CADM2: variants seen among roughly 807,000 people sequenced by gnomAD.
CADM2 encodes immunoglobulin superfamily member 4D.
In CADM2, 12 loss-of-function variants were observed where a neutral mutation model predicts 49.8. The ratio of observed to expected loss-of-function variants is 0.24; its 90% CI spans 0.15 to 0.39. CADM2 has a LOEUF of 0.39. Among genes scored for constraint, CADM2 ranks in the 10% least tolerant of loss-of-function variants. CADM2 has a pLI of 1.00. For missense variants in CADM2, 378 were observed against 492.3 expected, an observed-to-expected ratio of 0.77 and a Z score of 2.20; for synonymous variants, 214 against 175.4, an observed-to-expected ratio of 1.22 and a Z score of -1.74.
intron 1 of CADM2, among the ~76,000 whole-genome samples, chr3:85,463,873 C>A (rs368771806): frequency 6.6e-6 from 1 of 152,070 alleles, no homozygotes; most frequent in African/African-American, 2.4e-5. Context: ...AATTGCAATA[C>A]GTTTTATGCC....
chr3:85,334,305 A>T (rs964991291), intron 1 of CADM2, among the ~76,000 whole-genome samples: 2 of 151,610 alleles, frequency 1.3e-5, no homozygotes, highest in African/African-American at 4.8e-5. Context: ...GCCTCACATC[A>T]TTAGTGCTAA....
intron 1 of CADM2, among the ~76,000 whole-genome samples, chr3:85,694,444 TTC>T (rs1180763512): frequency 4.6e-5 from 7 of 152,176 alleles, no homozygotes; most frequent in African/African-American, 1.7e-4. Context: ...GAACTTACCC[TTC>T]CAGTACCTGA....
intron 1 of CADM2, among the ~76,000 whole-genome samples, chr3:85,087,839 A>C (rs536890270): frequency 6.6e-6 from 1 of 152,256 alleles, no homozygotes; most frequent in East Asian, 1.9e-4. Flanking sequence ...TCCAACCACA[A>C]ATAACAGCTA....
intron 2 of CADM2, among the ~76,000 whole-genome samples, chr3:85,773,869 C>T (rs2070225553): frequency 6.6e-6 from 1 of 151,778 alleles, no homozygotes; most frequent in Non-Finnish European, 1.5e-5. Flanking sequence ...TACAGAAATA[C>T]TAGAAATTGA....
chr3:85,738,404 G>A (rs558766488), intron 2 of CADM2, among the ~76,000 whole-genome samples: 5 of 152,186 alleles, frequency 3.3e-5, no homozygotes, highest in Non-Finnish European at 7.4e-5. Context: ...TTTAGATTTA[G>A]GTAAAATATA....
Position 85,879,946 on chromosome 3 carries a change from G to T in CADM2, c.239-3345G>T, listed in dbSNP as rs147491181. On this transcript the variant is annotated intron_variant, in intron 3 of 9. Coordinates refer to ENST00000383699, the MANE Select transcript of CADM2 (RefSeq NM_001167675.2). ...ATCACTACAATCAAGAGACAAAACA[G>T]TTCCAGAACCACAGGGATTCCTTCT... Among the ~76,000 whole-genome samples, 552 of 152,260 alleles carry T rather than the reference G, an allele frequency of 3.6e-3. 7 individuals carry two copies. The highest frequency in any genetic ancestry group is 0.013 in the African/African-American group (520 of 41,556).
chr3:85,353,671 C>T (rs2031574076), intron 1 of CADM2, among the ~76,000 whole-genome samples: 2 of 151,710 alleles, frequency 1.3e-5, no homozygotes, highest in Non-Finnish European at 2.9e-5. Context: ...AATATTGCTA[C>T]ATCAATTGAT....
chr3:85,670,779 C>G (rs1403852987), intron 1 of CADM2, among the ~76,000 whole-genome samples: 2 of 152,138 alleles, frequency 1.3e-5, no homozygotes, highest in Non-Finnish European at 2.9e-5. Flanking sequence ...AGCAAGACAG[C>G]AGAGACATGA....
At chr3:85,963,248 G>T (rs1339926537) in intron 8 of CADM2, among the ~76,000 whole-genome samples, 1 of 151,902 alleles carries the variant, frequency 6.6e-6, no homozygotes, top group Non-Finnish European at 1.5e-5. Context: ...AGAACTAACA[G>T]TTGAATTTCT....
chr3:85,002,656 G>A (rs2033521206), intron 1 of CADM2, among the ~76,000 whole-genome samples: 1 of 152,126 alleles, frequency 6.6e-6, no homozygotes, highest in Admixed American at 6.6e-5. Flanking sequence ...ATATGGTAAA[G>A]TTGAAAGTGT....
At chr3:85,314,727 G>T (rs1447062820) in intron 1 of CADM2, among the ~76,000 whole-genome samples, 1 of 152,136 alleles carries the variant, frequency 6.6e-6, no homozygotes, top group East Asian at 1.9e-4. Flanking sequence ...CTCAAAGAGA[G>T]AAGTATAAAT....
At chr3:85,546,652 A>G (rs142635705) in intron 1 of CADM2, among the ~76,000 whole-genome samples, 18 of 152,292 alleles carry the variant, frequency 1.2e-4, no homozygotes, top group African/African-American at 4.3e-4. Context: ...TGCAGATATC[A>G]GCTGCAGCTG....
intron 1 of CADM2, among the ~76,000 whole-genome samples, chr3:85,698,727 AC>A (rs574308855): frequency 1.5e-3 from 224 of 152,268 alleles, no homozygotes; most frequent in African/African-American, 5.3e-3. Context: ...ACCATGCTCT[AC>A]CTTCAGCACA....
intron 1 of CADM2, among the ~76,000 whole-genome samples, chr3:84,982,392 C>G (rs2032232625): frequency 6.6e-6 from 1 of 151,844 alleles, no homozygotes; most frequent in African/African-American, 2.4e-5. Flanking sequence ...ATGATTTATG[C>G]AGATAGTCTA....
At chr3:85,722,250 G>A (rs2067529551) in intron 1 of CADM2, among the ~76,000 whole-genome samples, 1 of 152,052 alleles carries the variant, frequency 6.6e-6, no homozygotes, top group Admixed American at 6.5e-5. Context: ...TTAGCAGAGA[G>A]GAGACCCTGG....
chr3:85,205,173 G>A (rs920908921), intron 1 of CADM2, among the ~76,000 whole-genome samples: 4 of 150,170 alleles, frequency 2.7e-5, no homozygotes, highest in Admixed American at 1.3e-4. Flanking sequence ...AGGTGCCACC[G>A]TGCCTGGTTA....
At chr3:85,356,226 G>A (rs2031845935) in intron 1 of CADM2, among the ~76,000 whole-genome samples, 1 of 151,960 alleles carries the variant, frequency 6.6e-6, no homozygotes, top group Admixed American at 6.6e-5. Flanking sequence ...TAATACTAGA[G>A]TATTCAGGGA....
rs1485267752 is a variant in CADM2 at position 85,166,160 on chromosome 3, G to C, written c.61+206492G>C. Among the ~76,000 whole-genome samples, 8 of 151,660 alleles carry C rather than the reference G, an allele frequency of 5.3e-5. No individual in the cohort carries two copies. In the South Asian group the frequency reaches 1.7e-3, roughly 32 times the overall value. Reference sequence around the variant, plus strand: ...GTACAGATCCACTTTGTCATATGTAGTCTATTTTTGCAAAATTGTGTAGAA... The same window carrying C: ...GTACAGATCCACTTTGTCATATGTACTCTATTTTTGCAAAATTGTGTAGAA... On this transcript the variant is annotated intron_variant, in intron 1 of 9. Transcript: ENST00000383699.
intron 4 of CADM2, among the ~76,000 whole-genome samples, chr3:85,885,874 A>G (rs1441614295): frequency 1.4e-5 from 2 of 145,560 alleles, no homozygotes; most frequent in African/African-American, 5.2e-5. Context: ...AAAAAAAATT[A>G]CAATTTAATT....
Sources: allele counts gnomAD v4.1 joint callset (sites outside exome capture counted in the v4.1 genomes callset), GRCh38; gene constraint gnomAD v4.1.1; transcripts MANE v1.5; gene names NCBI Gene and HGNC (gene_info 2026-07-23, HGNC 2026-07-21).